The following KCNS3 variants were observed in gnomAD, a reference collection of about 807,000 sequenced individuals.
The protein encoded by KCNS3 is potassium voltage-gated channel modifier subfamily S member 3, also known as delayed-rectifier potassium channel regulatory subunit KCNS3.
Under a neutral mutation model 31.0 loss-of-function variants are expected in KCNS3, and 13 were observed. The observed-to-expected ratio is 0.42, with a 90% confidence interval of 0.27 to 0.67. The LOEUF is 0.67. Ranked by LOEUF, KCNS3 falls within the 30% of genes least tolerant of loss-of-function variation. The pLI, the probability that KCNS3 is intolerant of heterozygous loss-of-function variation, is 0.25. For synonymous variants in KCNS3, 238 were observed against 241.5 expected, an observed-to-expected ratio of 0.99 and a Z score of 0.13; for missense variants, 545 against 622.4, an observed-to-expected ratio of 0.88 and a Z score of 1.32.
At chr2:17,884,264 AAAAAATATATATATATATAT>A (rs1674712898) in intron 1 of KCNS3, among the ~76,000 whole-genome samples, 3 of 48,066 alleles carry the variant, frequency 6.2e-5, no homozygotes, top group African/African-American at 2.0e-4. Context: ...ATTAAAAAAA[AAAAAATATATATATATATAT>A]ATATATATAT....
chr2:17,902,195 T>C (rs890999324), intron 1 of KCNS3, among the ~76,000 whole-genome samples: 4 of 152,192 alleles, frequency 2.6e-5, no homozygotes, highest in Non-Finnish European at 5.9e-5. Flanking sequence ...GTCCTTTCGG[T>C]TTGGTCACCT....
At chr2:17,908,409 C>T (rs577836503) in intron 1 of KCNS3, among the ~76,000 whole-genome samples, 277 of 152,344 alleles carry the variant, frequency 1.8e-3, no homozygotes, top group Non-Finnish European at 2.2e-3. Context: ...GTTCGAACTT[C>T]CTCCTTTAGC....
intron 1 of KCNS3, among the ~76,000 whole-genome samples, chr2:17,893,613 G>A (rs1661911537): frequency 2.0e-5 from 3 of 152,168 alleles, no homozygotes. Flanking sequence ...TGCTTCCTCT[G>A]TATTTCGCTC....
chr2:17,921,311 C>T (rs1662698174), intron 2 of KCNS3, among the ~76,000 whole-genome samples: 1 of 152,174 alleles, frequency 6.6e-6, no homozygotes, highest in Non-Finnish European at 1.5e-5. Context: ...CTTGTATGAT[C>T]AGAGCTCCTG....
At chr2:17,925,933 G>A (rs531413247) in intron 2 of KCNS3, among the ~76,000 whole-genome samples, 11 of 152,266 alleles carry the variant, frequency 7.2e-5, no homozygotes, top group Admixed American at 6.5e-4. Flanking sequence ...TCCGAGACAA[G>A]GCAAGTCCCT....
intron 1 of KCNS3, among the ~76,000 whole-genome samples, chr2:17,888,944 T>G (rs1364621246): frequency 6.6e-6 from 1 of 151,938 alleles, no homozygotes; most frequent in African/African-American, 2.4e-5. Context: ...TTTAGAATTG[T>G]TTTTTCTAAG....
intron 1 of KCNS3, among the ~76,000 whole-genome samples, chr2:17,889,266 T>C (rs201302963): frequency 7.9e-5 from 12 of 152,302 alleles, no homozygotes; most frequent in African/African-American, 2.9e-4. Flanking sequence ...CTGATTTGTG[T>C]ACATTAATCT....
intron 2 of KCNS3, among the ~76,000 whole-genome samples, chr2:17,923,782 A>G (rs1203819373): frequency 3.3e-5 from 5 of 151,858 alleles, no homozygotes; most frequent in Admixed American, 2.6e-4. Context: ...ATCAATCAAA[A>G]AGCCCATATG....
chr2:17,918,150 A>G (rs1203290227), intron 2 of KCNS3, among the ~76,000 whole-genome samples: 2 of 152,180 alleles, frequency 1.3e-5, no homozygotes, highest in Non-Finnish European at 2.9e-5. Flanking sequence ...CAGACTTGAG[A>G]GAATGACACT....
intron 1 of KCNS3, among the ~76,000 whole-genome samples, chr2:17,898,007 C>T (rs1487367730): frequency 1.3e-5 from 2 of 152,050 alleles, no homozygotes; most frequent in East Asian, 3.8e-4. Context: ...CAAATTTGTT[C>T]TTCTGCATAT....
In KCNS3 at chr2:17,914,791, A is replaced by T. The variant is rs1176515670; in HGVS notation, c.-251-2889A>T. On this transcript the variant is annotated intron_variant, in intron 1 of 2. Transcript: ENST00000304101. ...CAGGACAGTGATGGGGCCACACAGG[A>T]TTCTGTGCAAGCACAGAGGACACAG... 2.6e-5 allele frequency among the ~76,000 whole-genome samples: 4 copies of T among 152,294 alleles called. No individual in the cohort carries two copies. In the East Asian group the frequency reaches 7.7e-4, roughly 29 times the overall value.
Position 17,931,662 on chromosome 2 carries a change from T to A in KCNS3, c.654T>A (p.Asp218Glu). ...TCCAGAATGAGGATGGAGAAGTGGA[T>A]GATCCGGTGCTGGAAGGAGTGGAGA... ...SEFQNEDGEV[D>E]DPVLEGVEIA... The change falls in exon 3 of 3, where the codon GAT becomes GAA. Residue 218 changes from aspartate to glutamate, a missense_variant. Coordinates refer to ENST00000304101, the MANE Select transcript of KCNS3 (RefSeq NM_002252.5). The surrounding 1 kb of genome is among the most constrained non-coding windows in gnomAD (Gnocchi z 5.4). 1.2e-6 allele frequency: 2 copies of A among 1,614,164 alleles called. No homozygotes were observed. The highest frequency in any genetic ancestry group is 8.5e-7 in the Non-Finnish European group (1 of 1,180,022).
chr2:17,897,913 T>C (rs1662069454), intron 1 of KCNS3, among the ~76,000 whole-genome samples: 1 of 152,198 alleles, frequency 6.6e-6, no homozygotes, highest in African/African-American at 2.4e-5. Flanking sequence ...GGTTTTCTTC[T>C]AGGATTTTTA....
At chr2:17,900,325 G>C (rs10181323) in intron 1 of KCNS3, among the ~76,000 whole-genome samples, 22,935 of 151,990 alleles carry the variant, frequency 0.15, 1,831 homozygotes, top group African/African-American at 0.17. Context: ...TGGTAGGTGG[G>C]ATGCAGTGGA....
At chr2:17,917,033 G>C (rs548594819) in intron 1 of KCNS3, among the ~76,000 whole-genome samples, 1 of 152,286 alleles carries the variant, frequency 6.6e-6, no homozygotes, top group African/African-American at 2.4e-5. Flanking sequence ...TTTATTCAGA[G>C]AGAGAAACTG....
At chr2:17,902,334 CTGTGTGTGTGTGTG>C (rs61498649) in intron 1 of KCNS3, among the ~76,000 whole-genome samples, 33,054 of 149,626 alleles carry the variant, frequency 0.22, 4,021 homozygotes, top group Non-Finnish European at 0.29. Flanking sequence ...GGTTGGGAGA[CTGTGTGTGTGTGTG>C]TGTGTGTGTG....
chr2:17,888,631 A>ATATCTATATCTATATATATCTATATC (rs199928504), intron 1 of KCNS3, among the ~76,000 whole-genome samples: 1 of 30,448 alleles, frequency 3.3e-5, no homozygotes, highest in Non-Finnish European at 7.7e-5. Flanking sequence ...AAAAAAATGT[A>ATATCTATATCTATATATATCTATATC]TATATATATA....
At chr2:17,921,911 G>GTATATATATATATATATATA (rs781288456) in intron 2 of KCNS3, among the ~76,000 whole-genome samples, 1 of 100,446 alleles carries the variant, frequency 1.0e-5, no homozygotes, top group African/African-American at 4.0e-5. Flanking sequence ...ATGTGTGTGT[G>GTATATATATATATATATATA]TGTGTATATA....
At chr2:17,890,061 GT>G (rs561361143) in intron 1 of KCNS3, among the ~76,000 whole-genome samples, 4 of 151,770 alleles carry the variant, frequency 2.6e-5, no homozygotes, top group Non-Finnish European at 5.9e-5. Context: ...GTCCTGGACT[GT>G]TTTTTTGGCA....
Sources: allele counts gnomAD v4.1 joint callset (sites outside exome capture counted in the v4.1 genomes callset), GRCh38; gene constraint gnomAD v4.1.1; non-coding constraint Gnocchi (gnomAD v3.1); transcripts MANE v1.5; gene names NCBI Gene and HGNC (gene_info 2026-07-23, HGNC 2026-07-21).